RCOR1: variants seen among roughly 807,000 people sequenced by gnomAD.
The protein encoded by RCOR1 is REST corepressor.
RCOR1 carries 12 observed loss-of-function variants against 64.0 expected under a neutral mutation model. The observed-to-expected ratio is 0.19, with a 90% confidence interval of 0.12 to 0.30. The LOEUF is 0.30. Among genes scored for constraint, RCOR1 ranks in the 10% least tolerant of loss-of-function variants. RCOR1 has a pLI of 1.00. For missense variants in RCOR1, 502 were observed against 621.2 expected (o/e 0.81, Z 2.04); for synonymous variants, 279 against 227.2 (o/e 1.23, Z -2.05).
At chr14:102,646,392 A>G (rs907737958) in intron 2 of RCOR1, among the ~76,000 whole-genome samples, 2 of 152,240 alleles carry the variant, frequency 1.3e-5, no homozygotes, top group Non-Finnish European at 2.9e-5. Context: ...AATAGGAAAT[A>G]CAGGTTGCAT....
At chr14:102,665,130 C>T (rs979595702) in intron 2 of RCOR1, among the ~76,000 whole-genome samples, 66 of 152,130 alleles carry the variant, frequency 4.3e-4, no homozygotes, top group African/African-American at 1.4e-3. Flanking sequence ...CTCAGCCTCC[C>T]GAGTAGCTGG....
chr14:102,657,445 T>C (rs1385792588), intron 2 of RCOR1: 2 of 984,940 alleles, frequency 2.0e-6, no homozygotes, highest in Non-Finnish European at 1.2e-6. Flanking sequence ...AAGACTAATA[T>C]AACACAGAAG....
intron 2 of RCOR1, among the ~76,000 whole-genome samples, chr14:102,618,905 G>C (rs1388160159): frequency 6.6e-6 from 1 of 152,122 alleles, no homozygotes; most frequent in Non-Finnish European, 1.5e-5. Context: ...GTGAAGGAAA[G>C]ACATTTCAGG....
chr14:102,652,707 T>C (rs1894616521), intron 2 of RCOR1, among the ~76,000 whole-genome samples: 1 of 152,120 alleles, frequency 6.6e-6, no homozygotes, highest in African/African-American at 2.4e-5. Flanking sequence ...CCCAGCTGAC[T>C]TTTTCCCATA....
At chr14:102,600,384 T>C (rs1256754007) in intron 2 of RCOR1, among the ~76,000 whole-genome samples, 1 of 151,308 alleles carries the variant, frequency 6.6e-6, no homozygotes, top group African/African-American at 2.4e-5. Context: ...CAGTGATTGA[T>C]TGATTGATTT....
In RCOR1 at chr14:102,721,042, A is replaced by G; in HGVS notation, c.1089A>G (p.Lys363=). 3 of 1,579,130 alleles carry G rather than the reference A, an allele frequency of 1.9e-6. No individual in the cohort carries two copies. Among genetic ancestry groups the G allele is most frequent in the Non-Finnish European group, 2.6e-6 (3 of 1,158,996 alleles). ...TTAAACAGACAAACAGTGCTCTCAA[A>G]GAAAAACTTGATGGTGGAATAGAAC... ...QNIKQTNSAL[K]EKLDGGIEPY... is the part of the protein sequence containing the mutation. Residue 363 remains lysine (K), a synonymous_variant, in exon 9 of 12, where the codon AAA becomes AAG. Transcript: ENST00000262241.
At chr14:102,698,016 C>T (rs959795560) in intron 3 of RCOR1, among the ~76,000 whole-genome samples, 2 of 152,152 alleles carry the variant, frequency 1.3e-5, no homozygotes, top group African/African-American at 4.8e-5. Context: ...CCACCGCACC[C>T]GGCCATCCAA....
chr14:102,593,767 G>A (rs942123427), intron 2 of RCOR1, among the ~76,000 whole-genome samples: 2 of 152,168 alleles, frequency 1.3e-5, no homozygotes, highest in Admixed American at 1.3e-4. Context: ...TGCTCCCCAC[G>A]CCTTTGCTCC....
intron 2 of RCOR1, among the ~76,000 whole-genome samples, chr14:102,676,970 T>A (rs1302776884): frequency 2.4e-5 from 2 of 81,906 alleles, no homozygotes; most frequent in African/African-American, 1.1e-4. Flanking sequence ...CACTTCCCAG[T>A]AGGGGCGGCC....
intron 2 of RCOR1, among the ~76,000 whole-genome samples, chr14:102,652,290 G>A (rs1345393937): frequency 6.6e-6 from 1 of 152,176 alleles, no homozygotes; most frequent in Non-Finnish European, 1.5e-5. Context: ...GGCAGAGCTG[G>A]GATTCCATTT....
chr14:102,722,543 ACCTG>A, intron 11 of RCOR1, 127 bp downstream of exon 11: 1 of 687,054 alleles, frequency 1.5e-6, no homozygotes, highest in Non-Finnish European at 2.5e-6. Flanking sequence ...CTTCACTCTT[ACCTG>A]TAAATAGCCG....
At chr14:102,627,786 T>C (rs751558213) in intron 2 of RCOR1, among the ~76,000 whole-genome samples, 4 of 152,150 alleles carry the variant, frequency 2.6e-5, no homozygotes, top group Non-Finnish European at 5.9e-5. Context: ...ACTGCTCCTC[T>C]AGAGTTGCTC....
intron 8 of RCOR1, among the ~76,000 whole-genome samples, chr14:102,719,762 G>A (rs1237521373): frequency 6.6e-6 from 1 of 152,188 alleles, no homozygotes; most frequent in East Asian, 1.9e-4. Context: ...CTTAATCACA[G>A]TGCAATATAT....
intron 2 of RCOR1, among the ~76,000 whole-genome samples, chr14:102,680,396 T>C (rs752990955): frequency 6.6e-5 from 10 of 152,328 alleles, no homozygotes; most frequent in South Asian, 4.1e-4. Flanking sequence ...GCAGGACTTA[T>C]TTGTCTTTGT....
chr14:102,640,005 C>G (rs1595208098), intron 2 of RCOR1, among the ~76,000 whole-genome samples: 1 of 152,172 alleles, frequency 6.6e-6, no homozygotes, highest in Non-Finnish European at 1.5e-5. Flanking sequence ...GCCACCACAC[C>G]CGGCTAATTT....
rs1240995054 is a variant in RCOR1, at chr14:102,728,753, G to C, written c.*2247G>C. 6.6e-6 allele frequency: 1 copy of C among 152,100 alleles called. No homozygotes were observed. The highest frequency in any genetic ancestry group is 2.1e-4 in the South Asian group (1 of 4,810). The allele number at this position is 152,100 out of a possible 1,614,324, so 9.4% of individuals were successfully genotyped here. On this transcript the variant is annotated 3_prime_UTR_variant, in exon 12 of 12. Transcript: ENST00000262241. ...ATGGTCTCCAGCCCTGAAGAATCACGTGTGATCACAGCAGCTGACCTGGGC... is the reference window on the plus strand; with the variant it reads ...ATGGTCTCCAGCCCTGAAGAATCACCTGTGATCACAGCAGCTGACCTGGGC...
intron 2 of RCOR1, among the ~76,000 whole-genome samples, chr14:102,668,236 C>T (rs1049320654): frequency 1.3e-5 from 2 of 152,178 alleles, no homozygotes; most frequent in East Asian, 1.9e-4. Context: ...ACACTATACA[C>T]GTTTAGAACA....
At chr14:102,629,442 T>TCCC (rs34832312) in intron 2 of RCOR1, among the ~76,000 whole-genome samples, 56 of 146,048 alleles carry the variant, frequency 3.8e-4, no homozygotes, top group African/African-American at 1.4e-3. Flanking sequence ...CTTAACAGCC[T>TCCC]CCCCCCCCCC....
At chr14:102,596,875 CT>C (rs61687380) in intron 2 of RCOR1, among the ~76,000 whole-genome samples, 19,224 of 115,178 alleles carry the variant, frequency 0.17, 1,713 homozygotes, top group African/African-American at 0.32. Flanking sequence ...CTCCCCCCGC[CT>C]TTTTTTTTTT....
Sources: allele counts gnomAD v4.1 joint callset (sites outside exome capture counted in the v4.1 genomes callset), GRCh38; gene constraint gnomAD v4.1.1; transcripts MANE v1.5; gene names NCBI Gene and HGNC (gene_info 2026-07-23, HGNC 2026-07-21).